ZNF684: variants seen among roughly 807,000 people sequenced by gnomAD.
ZNF684 encodes the protein zinc finger protein 684, also known as hypothetical protein MGC27466.
Under a neutral mutation model 12.8 loss-of-function variants are expected in ZNF684, and 13 were observed. That is an observed-to-expected ratio of 1.02 (90% CI 0.66 to 1.62). ZNF684 has a LOEUF of 1.62. ZNF684 is among the 40% of genes most tolerant of loss of function. ZNF684 has a pLI of 0.00. For missense variants in ZNF684, 384 were observed against 446.9 expected (o/e 0.86, Z 1.27); for synonymous variants, 118 against 151.8 (o/e 0.78, Z 1.64).
chr1:40,543,458 CTTT>C (rs200468567), intron 4 of ZNF684, among the ~76,000 whole-genome samples: 2 of 132,712 alleles, frequency 1.5e-5, no homozygotes, highest in African/African-American at 2.8e-5. Flanking sequence ...ATACAGTTTT[CTTT>C]TTTTTTTTTT....
intron 3 of ZNF684, 27 bp from the exon 4 acceptor site, chr1:40,541,588 A>C: frequency 6.3e-7 from 1 of 1,599,394 alleles, no homozygotes; most frequent in East Asian, 2.2e-5. Flanking sequence ...CTTTGGCCCC[A>C]CTTCTATGCT....
rs748813899 is a variant in ZNF684 at position 40,547,115 on chromosome 1, T to C, written c.792T>C (p.Ser264=). The C allele has an allele frequency of 6.2e-7, 1 of 1,614,218 alleles. No homozygotes were observed. The highest frequency in any genetic ancestry group is 1.7e-5 in the Admixed American group (1 of 60,024). ...CCTCATTTAATCAACACGTGAAATC[T>C]CATACACTTGAGAAGTCATTTGAAT... The part of the protein sequence containing the change: ...WNSSFNQHVK[S]HTLEKSFECK... The change falls in exon 5 of 5, where the codon TCT becomes TCC. Residue 264 remains serine (S), a synonymous_variant. Transcript: ENST00000372699.
At chr1:40,545,940 T>TG (rs1478095189) in intron 4 of ZNF684, among the ~76,000 whole-genome samples, 1 of 128,044 alleles carries the variant, frequency 7.8e-6, no homozygotes, top group Non-Finnish European at 1.6e-5. Context: ...TTTTTTTTTT[T>TG]GGAGATGGAG....
chr1:40,541,737 T>TGTGTGGA (rs770843452), intron 4 of ZNF684, 27 bp downstream of exon 4: 2 of 1,582,810 alleles, frequency 1.3e-6, no homozygotes, highest in East Asian at 4.5e-5. Context: ...CAGATGGGGC[T>TGTGTGGA]GTGTGGAGTT....
At chr1:40,538,003 A>G (rs1314751196) in intron 2 of ZNF684, among the ~76,000 whole-genome samples, 2 of 152,022 alleles carry the variant, frequency 1.3e-5, no homozygotes, top group Non-Finnish European at 2.9e-5. Flanking sequence ...TCTTTCACCC[A>G]ATACAATAGT....
Position 40,546,621 on chromosome 1 carries a change from T to C in ZNF684, c.298T>C (p.Leu100=). The C allele has an allele frequency of 6.3e-7, 1 of 1,588,282 alleles. No homozygotes were observed. ...GKHRESKDNF[L]KSVLLTFNKI... is the part of the protein sequence containing the mutation. ...GCATCGGGAAAGCAAAGACAATTTT[T>C]TGAAGTCAGTTTTGCTCACATTCAA... Residue 100 remains leucine (L), a synonymous_variant, in exon 5 of 5, where the codon TTG becomes CTG. Coordinates refer to ENST00000372699, the MANE Select transcript of ZNF684 (RefSeq NM_152373.4).
intron 2 of ZNF684, 142 bp from the exon 3 acceptor site, chr1:40,540,444 C>A: frequency 1.1e-6 from 1 of 871,886 alleles, no homozygotes; most frequent in Non-Finnish European, 1.7e-6. Flanking sequence ...AAGCATATTT[C>A]CGAATCAAGC....
intron 4 of ZNF684, chr1:40,544,423 T>C (rs765373449): frequency 2.1e-5 from 9 of 420,792 alleles, no homozygotes; most frequent in Non-Finnish European, 3.3e-5. Context: ...CAGGCTGGAG[T>C]GCAGTGGCGC....
intron 2 of ZNF684, among the ~76,000 whole-genome samples, chr1:40,538,491 G>T (rs775516103): frequency 6.6e-6 from 1 of 152,114 alleles, no homozygotes; most frequent in Non-Finnish European, 1.5e-5. Context: ...TTTTTGTGTG[G>T]ACAAATGTCT....
chr1:40,540,642 G>A lies in ZNF684; in HGVS notation c.72G>A (p.Leu24=). The A allele has an allele frequency of 6.2e-7, 1 of 1,612,932 alleles. No individual in the cohort carries two copies. Among genetic ancestry groups the A allele is most frequent in the Non-Finnish European group, 8.5e-7 (1 of 1,179,466 alleles). Residue 24 remains leucine (L), a synonymous_variant, in exon 3 of 5, where the codon CTG becomes CTA. Transcript: ENST00000372699. The part of the protein sequence containing the change: ...AVDFTAEEWQ[L]LDCAERTLYW... ...ATTTCACTGCAGAGGAGTGGCAGCTGCTTGATTGTGCTGAGAGAACCCTGT... is the reference window on the plus strand; with the variant it reads ...ATTTCACTGCAGAGGAGTGGCAGCTACTTGATTGTGCTGAGAGAACCCTGT...
At position 40,547,485 on chromosome 1, in the gene ZNF684, G is replaced by T; in HGVS notation, c.*25G>T. 1 of 1,540,394 alleles carries T rather than the reference G, an allele frequency of 6.5e-7. No homozygotes were observed. Among genetic ancestry groups the T allele is most frequent in the South Asian group, 1.3e-5 (1 of 79,476 alleles). On this transcript the variant is annotated 3_prime_UTR_variant, in exon 5 of 5. Transcript: ENST00000372699. ...ATATTCACTTTATGAATATGAGAAGGCCTTATTAAATATTTGCTAAATCTT... is the reference window on the plus strand; with the variant it reads ...ATATTCACTTTATGAATATGAGAAGTCCTTATTAAATATTTGCTAAATCTT...
At chr1:40,541,478 C>T in intron 3 of ZNF684, 137 bp from the exon 4 acceptor site, 1 of 631,788 alleles carries the variant, frequency 1.6e-6, no homozygotes, top group Admixed American at 2.7e-5. Context: ...CCACCGCGCC[C>T]AGCCTGGGTC....
rs765456682 is a variant in ZNF684, at chr1:40,546,872, G to GA, written c.555dup (p.Pro186ThrfsTer3). The GA allele has an allele frequency of 1.2e-6, 2 of 1,613,230 alleles. No homozygotes were observed. Among genetic ancestry groups the GA allele is most frequent in the Non-Finnish European group, 1.7e-6 (2 of 1,179,858 alleles). Reference sequence around the variant, plus strand: ...TTAGACATGAAAAAAATCATACAAGGAAAAAACCTTTTGAATGCAATGACT... The same window carrying GA: ...TTAGACATGAAAAAAATCATACAAGGAAAAAAACCTTTTGAATGCAATGACT... On this transcript the variant is annotated frameshift_variant, in exon 5 of 5. Coordinates refer to ENST00000372699, the MANE Select transcript of ZNF684 (RefSeq NM_152373.4). LOFTEE classifies it low-confidence loss of function (END_TRUNC).
At chr1:40,545,423 A>T (rs1316203520) in intron 4 of ZNF684, among the ~76,000 whole-genome samples, 1 of 152,218 alleles carries the variant, frequency 6.6e-6, no homozygotes, top group African/African-American at 2.4e-5. Flanking sequence ...CTGGTTTGTT[A>T]GATTGAAAGA....
At chr1:40,533,300 T>G (rs920616877) in intron 2 of ZNF684, 119 bp downstream of exon 2, 10 of 1,048,758 alleles carry the variant, frequency 9.5e-6, no homozygotes, top group South Asian at 8.9e-5. Flanking sequence ...AAAAGGAAAT[T>G]TAGAAGATTG....
rs777721194 is a variant in ZNF684 at position 40,547,287 on chromosome 1, A to G, written c.964A>G (p.Thr322Ala). 8.1e-6 allele frequency: 13 copies of G among 1,614,206 alleles called. No homozygotes were observed. The South Asian group carries it at 1.1e-4, about 14-fold the overall frequency. The change falls in exon 5 of 5, where the codon ACA becomes GCA. Residue 322 changes from threonine to alanine, a missense_variant. Thr to Ala is a moderately conservative substitution (Grantham distance 58). Coordinates refer to ENST00000372699, the MANE Select transcript of ZNF684 (RefSeq NM_152373.4). Reference protein sequence around the residue: ...SVLVTHQRIHTGEKPYSCIEC... With the variant: ...SVLVTHQRIHAGEKPYSCIEC... ...GCTTGTTACACACCAAAGAATTCAT[A>G]CAGGAGAGAAACCTTACAGTTGTAT...
In ZNF684 at chr1:40,547,620, A is replaced by C. The variant is rs1477387785; in HGVS notation, c.*160A>C. The C allele has an allele frequency of 1.7e-6, 1 of 579,114 alleles. No homozygotes were observed. The highest frequency in any genetic ancestry group is 3.1e-5 in the East Asian group (1 of 32,020). The allele number at this position is 579,114 out of a possible 1,614,324, so 35.9% of individuals were successfully genotyped here. ...CAATCATGTTCTGGAAGTGATAATA[A>C]ACTTTTTACAGAAAATATGACAGAA... On this transcript the variant is annotated 3_prime_UTR_variant, in exon 5 of 5. Transcript: ENST00000372699.
At chr1:40,535,425 A>G (rs777498081) in intron 2 of ZNF684, among the ~76,000 whole-genome samples, 7 of 152,172 alleles carry the variant, frequency 4.6e-5, no homozygotes, top group Non-Finnish European at 1.0e-4. Context: ...ACCAAGGGCC[A>G]ACTATATTCA....
chr1:40,547,186 A>C lies in ZNF684; in HGVS notation c.863A>C (p.Lys288Thr). The C allele has an allele frequency of 6.2e-7, 1 of 1,614,216 alleles. No homozygotes were observed. Among genetic ancestry groups the C allele is most frequent in the Non-Finnish European group, 8.5e-7 (1 of 1,180,048 alleles). ...KTFRYSSSLY[K>T]HSRFHTGEKP... ...TTCAGGTATAGTTCATCCCTTTATAAACATTCCAGATTTCATACAGGAGAG... is the reference window on the plus strand; with the variant it reads ...TTCAGGTATAGTTCATCCCTTTATACACATTCCAGATTTCATACAGGAGAG... The change falls in exon 5 of 5, where the codon AAA becomes ACA. Residue 288 changes from lysine to threonine, a missense_variant. By Grantham distance (78) the Lys-to-Thr change is moderately conservative (BLOSUM62 -1). Transcript: ENST00000372699.
Sources: gnomAD v4.1 joint callset for allele counts (sites outside exome capture counted in the v4.1 genomes callset) on GRCh38, gnomAD v4.1.1 for gene constraint, MANE v1.5 for transcripts, NCBI Gene and HGNC (gene_info 2026-07-23, HGNC 2026-07-21) for gene names.